The following PTPRG variants were observed in gnomAD, a reference collection of about 807,000 sequenced individuals.
PTPRG encodes the protein protein tyrosine phosphatase receptor type G.
A neutral mutation model predicts 165.3 loss-of-function variants in PTPRG; 102 were observed. The ratio of observed to expected loss-of-function variants is 0.62; its 90% CI spans 0.53 to 0.73. The LOEUF (loss-of-function observed/expected upper bound fraction) is 0.73. Ranked by LOEUF, PTPRG falls within the 30% of genes least tolerant of loss-of-function variation. The pLI is 0.00. For missense variants in PTPRG, 1,866 were observed against 1,861.4 expected (o/e 1.00, Z -0.05); for synonymous variants, 675 against 669.5 (o/e 1.01, Z -0.13).
chr3:62,157,054 T>C lies in PTPRG; in HGVS notation c.683-13T>C, dbSNP rs1312700653. ...TACCATTGTGCTTTTCTTTTCCCTT[T>C]TTCCCCAAACAGAGAAGGAGACCTT... On this transcript the variant is annotated splice_polypyrimidine_tract_variant and intron_variant, in intron 6 of 29. Transcript: ENST00000474889. 1.9e-6 allele frequency: 3 copies of C among 1,588,604 alleles called. No individual in the cohort carries two copies. The highest frequency in any genetic ancestry group is 2.6e-6 in the Non-Finnish European group (3 of 1,157,254).
chr3:61,741,351 G>A (rs748006622), intron 1 of PTPRG, among the ~76,000 whole-genome samples: 20 of 152,284 alleles, frequency 1.3e-4, no homozygotes, highest in Non-Finnish European at 2.5e-4. Flanking sequence ...GTATATCTGG[G>A]AGAAGAACTA....
At chr3:61,590,715 A>G (rs1279298778) in intron 1 of PTPRG, among the ~76,000 whole-genome samples, 1 of 152,134 alleles carries the variant, frequency 6.6e-6, no homozygotes, top group Non-Finnish European at 1.5e-5. Flanking sequence ...TTATCATTGT[A>G]TTGCTTGTTT....
intron 4 of PTPRG, among the ~76,000 whole-genome samples, chr3:62,007,214 TG>T (rs1416646981): frequency 1.3e-5 from 2 of 152,224 alleles, no homozygotes; most frequent in Admixed American, 1.3e-4. Context: ...TTGTAGGTTT[TG>T]TTGCTTCCCA....
chr3:61,680,651 A>G (rs1023764830), intron 1 of PTPRG, among the ~76,000 whole-genome samples: 28 of 151,954 alleles, frequency 1.8e-4, no homozygotes, highest in African/African-American at 6.8e-4. Context: ...GGAAAAAAAA[A>G]AGAGGGCATG....
At chr3:62,013,483 G>T (rs1046242225) in intron 4 of PTPRG, among the ~76,000 whole-genome samples, 1 of 152,182 alleles carries the variant, frequency 6.6e-6, no homozygotes, top group Non-Finnish European at 1.5e-5. Flanking sequence ...CAAATCTGAA[G>T]AACTAATGTA....
chr3:62,211,409 T>G (rs1700354145), intron 12 of PTPRG, among the ~76,000 whole-genome samples: 1 of 152,230 alleles, frequency 6.6e-6, no homozygotes, highest in Non-Finnish European at 1.5e-5. Flanking sequence ...GAAAAAGTTC[T>G]GGAGATCAGT....
chr3:61,979,586 A>AT (rs1429142165), intron 2 of PTPRG, among the ~76,000 whole-genome samples: 2 of 151,952 alleles, frequency 1.3e-5, no homozygotes, highest in African/African-American at 4.8e-5. Flanking sequence ...AATCCCTCTA[A>AT]TTTTTTTCCT....
intron 3 of PTPRG, among the ~76,000 whole-genome samples, chr3:61,991,452 C>T (rs540838897): frequency 1.0e-3 from 159 of 152,266 alleles, no homozygotes; most frequent in African/African-American, 3.7e-3. Context: ...GTGATCTCCT[C>T]GCCTCGACCT....
chr3:61,603,019 A>G (rs551721717), intron 1 of PTPRG, among the ~76,000 whole-genome samples: 1 of 152,326 alleles, frequency 6.6e-6, no homozygotes, highest in Non-Finnish European at 1.5e-5. Context: ...GCTACTGCAC[A>G]TCTTTCCTCC....
intron 17 of PTPRG, among the ~76,000 whole-genome samples, chr3:62,264,891 C>T (rs2148862783): frequency 6.6e-6 from 1 of 151,142 alleles, no homozygotes; most frequent in East Asian, 2.0e-4. Context: ...AGTGGCTATT[C>T]ATTTTACGTT....
At chr3:62,238,764 TTACTGA>T (rs914580847) in intron 14 of PTPRG, among the ~76,000 whole-genome samples, 7 of 152,066 alleles carry the variant, frequency 4.6e-5, no homozygotes, top group Admixed American at 1.3e-4. Context: ...GACTGATACT[TTACTGA>T]TAAGAGAGAG....
intron 4 of PTPRG, among the ~76,000 whole-genome samples, chr3:62,068,797 A>C (rs181995941): frequency 1.5e-4 from 23 of 152,292 alleles, no homozygotes; most frequent in African/African-American, 4.8e-4. Flanking sequence ...CTTAGGTTCT[A>C]CTGCCCCAAA....
At chr3:62,281,537 G>GATTTTTTTTTTT in intron 26 of PTPRG, 26 bp from the exon 27 acceptor site, 1 of 174,778 alleles carries the variant, frequency 5.7e-6, no homozygotes, top group Non-Finnish European at 8.2e-6. Flanking sequence ...AACTGCAGAG[G>GATTTTTTTTTTT]CTTTTTTTTT....
rs761871013 is a variant in PTPRG, at chr3:61,651,134, C to CT, written c.85+88776dup. The stretch of plus-strand genomic sequence containing the variant: ...CACGATGTATTTGGACACTCTTTCT[C>CT]TTTTTTTTTTTTTTAAAGGAAAAAC... On this transcript the variant is annotated intron_variant, in intron 1 of 29. Coordinates refer to ENST00000474889, the MANE Select transcript of PTPRG (RefSeq NM_002841.4). Among the ~76,000 whole-genome samples, 674 of 141,500 alleles carry CT rather than the reference C, an allele frequency of 4.8e-3. 4 individuals carry two copies. The highest frequency in any genetic ancestry group is 0.011 in the African/African-American group (424 of 38,686). 92.8% of individuals were successfully genotyped at this position (141,500 alleles called of 152,430 possible).
chr3:62,261,328 T>G (rs1209212670), intron 16 of PTPRG, among the ~76,000 whole-genome samples: 2 of 152,192 alleles, frequency 1.3e-5, no homozygotes, highest in Admixed American at 1.3e-4. Flanking sequence ...TATAAGGCAG[T>G]TTCAAAAGGC....
intron 8 of PTPRG, among the ~76,000 whole-genome samples, chr3:62,186,112 C>T (rs1705871738): frequency 6.6e-6 from 1 of 152,158 alleles, no homozygotes; most frequent in Non-Finnish European, 1.5e-5. Flanking sequence ...TGACGGGTGT[C>T]TGGTACTATC....
intron 1 of PTPRG, chr3:61,743,005 T>G: frequency 1.3e-6 from 2 of 1,552,486 alleles, no homozygotes; most frequent in Non-Finnish European, 1.8e-6. Flanking sequence ...CAAGCTGATC[T>G]GCAACTCCAC....
chr3:61,989,704 C>A lies in PTPRG; in HGVS notation c.270C>A (p.Asp90Glu). 1 of 1,614,124 alleles carries A rather than the reference C, an allele frequency of 6.2e-7. No individual in the cohort carries two copies. Among genetic ancestry groups the A allele is most frequent in the South Asian group, 1.1e-5 (1 of 91,080 alleles). ...ACCAGTCTCCTATTGACATTTTAGA[C>A]CAGTATGCGCGTGTTGGGGAAGAAT... is the stretch of plus-strand genomic sequence containing the variant. The part of the protein sequence containing the change: ...GRHQSPIDIL[D>E]QYARVGEEYQ... Residue 90 changes from aspartate to glutamate, a missense_variant, in exon 3 of 30, where the codon GAC (aspartate) becomes GAA (glutamate). Physicochemically the swap from Asp to Glu is conservative, Grantham distance 45 (BLOSUM62 2). Transcript: ENST00000474889.
chr3:61,629,733 G>C lies in PTPRG; in HGVS notation c.85+67361G>C, dbSNP rs541986503. Reference sequence around the variant, plus strand: ...CGGTCTCAGGTAAGAAGGAGAAAAAGGGTAAAAGTTTACTGTAGATTCTTT... The same window carrying C: ...CGGTCTCAGGTAAGAAGGAGAAAAACGGTAAAAGTTTACTGTAGATTCTTT... On this transcript the variant is annotated intron_variant, in intron 1 of 29. Coordinates refer to ENST00000474889, the MANE Select transcript of PTPRG (RefSeq NM_002841.4). 1.8e-4 allele frequency among the ~76,000 whole-genome samples: 27 copies of C among 152,272 alleles called. 1 individual carries two copies. In the South Asian group the frequency reaches 5.2e-3, roughly 29 times the overall value.
Sources: gnomAD v4.1 joint callset for allele counts (sites outside exome capture counted in the v4.1 genomes callset) on GRCh38, gnomAD v4.1.1 for gene constraint, MANE v1.5 for transcripts, NCBI Gene and HGNC (gene_info 2026-07-23, HGNC 2026-07-21) for gene names.